Variants in CYP4Z1 observed in about 807,000 individuals in gnomAD.
The protein encoded by CYP4Z1 is cytochrome P450 family 4 subfamily Z member 1.
In CYP4Z1, 41 loss-of-function variants were observed where a neutral mutation model predicts 54.2. The ratio of observed to expected loss-of-function variants is 0.76; its 90% confidence interval spans 0.59 to 0.98. The LOEUF is 0.98. Among genes scored for constraint, CYP4Z1 ranks in the 50% least tolerant of loss-of-function variants. The pLI is 0.00. For missense variants in CYP4Z1, 513 were observed against 599.0 expected (o/e 0.86, Z 1.50); for synonymous variants, 163 against 206.2 (o/e 0.79, Z 1.79).
In CYP4Z1 at chr1:47,106,134, C is replaced by T. The variant is rs1289073317; in HGVS notation, c.1074C>T (p.His358=). Residue 358 remains histidine (H), a synonymous_variant, in exon 9 of 12, where the codon CAC becomes CAT. Coordinates refer to ENST00000334194, the MANE Select transcript of CYP4Z1 (RefSeq NM_178134.3). ...LGDGSSITWE[H]LSQMPYTTMC... ...CTCCTGTGCTTCTACCCAGGGAACA[C>T]CTGAGCCAGATGCCTTACACCACGA... is the stretch of plus-strand genomic sequence containing the variant. The T allele has an allele frequency of 1.2e-6, 2 of 1,613,634 alleles. No individual in the cohort carries two copies. Among genetic ancestry groups the T allele is most frequent in the South Asian group, 1.1e-5 (1 of 90,984 alleles).
At chr1:47,100,532 C>T (rs2148537184) in intron 8 of CYP4Z1, among the ~76,000 whole-genome samples, 1 of 152,296 alleles carries the variant, frequency 6.6e-6, no homozygotes, top group East Asian at 1.9e-4. Flanking sequence ...ATGCTACCTG[C>T]CAGTTGGTCA....
chr1:47,111,078 T>C (rs1342343280), intron 9 of CYP4Z1, among the ~76,000 whole-genome samples: 1 of 152,140 alleles, frequency 6.6e-6, no homozygotes. Flanking sequence ...TAGCTGGCCA[T>C]GTCAGGATTG....
At chr1:47,062,793 G>C, upstream of CYP4Z1, among the ~76,000 whole-genome samples, 1 of 145,830 alleles carries the variant, frequency 6.9e-6, no homozygotes, top group Admixed American at 6.6e-5. Context: ...TAATCACTTG[G>C]GAGCACTATG....
rs557379863 is a variant in CYP4Z1, at chr1:47,088,137, G to A, written c.772+3159G>A. On this transcript the variant is annotated intron_variant, in intron 6 of 11. Transcript: ENST00000334194. ...GATTTTTGCATCAATGTTCATCAGG[G>A]ATATTGGTCTAAAATTCTCTTTTTT... 5.1e-3 allele frequency among the ~76,000 whole-genome samples: 783 copies of A among 152,308 alleles called. 5 individuals are homozygous for A. The highest frequency in any genetic ancestry group is 0.018 in the African/African-American group (735 of 41,568).
At chr1:47,105,536 T>G (rs1319438393) in intron 8 of CYP4Z1, among the ~76,000 whole-genome samples, 1 of 152,200 alleles carries the variant, frequency 6.6e-6, no homozygotes, top group Non-Finnish European at 1.5e-5. Context: ...AAAGAGCTTC[T>G]CCAGACTCCC....
chr1:47,063,005 C>T (rs1447541272), upstream of CYP4Z1, among the ~76,000 whole-genome samples: 1 of 152,238 alleles, frequency 6.6e-6, no homozygotes, highest in Non-Finnish European at 1.5e-5. Flanking sequence ...GCTACCTCCA[C>T]TGGAGCAGGC....
At chr1:47,076,568 G>C (rs546139664) in intron 2 of CYP4Z1, among the ~76,000 whole-genome samples, 1 of 151,904 alleles carries the variant, frequency 6.6e-6, no homozygotes, top group African/African-American at 2.4e-5. Flanking sequence ...CTTGTTGGCC[G>C]GGCATGGTGG....
chr1:47,116,051 C>T (rs72637964), intron 10 of CYP4Z1, among the ~76,000 whole-genome samples: 1 of 150,982 alleles, frequency 6.6e-6, no homozygotes, highest in East Asian at 2.0e-4. Context: ...CAGTGCTAAC[C>T]TGAGAGTGAA....
At chr1:47,078,179 C>A (rs1644539194) in intron 2 of CYP4Z1, among the ~76,000 whole-genome samples, 2 of 152,132 alleles carry the variant, frequency 1.3e-5, no homozygotes, top group African/African-American at 4.8e-5. Context: ...TGTTAGTATG[C>A]TTGATGGTGT....
intron 9 of CYP4Z1, among the ~76,000 whole-genome samples, chr1:47,106,680 A>AC (rs1310469741): frequency 1.3e-5 from 2 of 152,154 alleles, no homozygotes; most frequent in East Asian, 1.9e-4. Context: ...GCTGTAATCC[A>AC]CAGACTCCAG....
At chr1:47,107,647 C>T (rs2202218) in intron 9 of CYP4Z1, among the ~76,000 whole-genome samples, 5 of 151,888 alleles carry the variant, frequency 3.3e-5, no homozygotes, top group East Asian at 1.9e-4. Context: ...TTTTTTTCAA[C>T]ATCAATAAAA....
Position 47,115,559 on chromosome 1 carries a change from T to C in CYP4Z1, c.1232T>C (p.Leu411Pro), listed in dbSNP as rs1486478234. 3.1e-6 allele frequency: 5 copies of C among 1,613,576 alleles called. No individual in the cohort carries two copies. The highest frequency in any genetic ancestry group is 4.2e-6 in the Non-Finnish European group (5 of 1,179,786). The stretch of plus-strand genomic sequence containing the variant: ...ACTGTGTTTATCAATATTTGGGCTC[T>C]TCACCACAACCCCTATTTCTGGGAA... ...GITVFINIWA[L>P]HHNPYFWEDP... The change falls in exon 10 of 12, where the codon CTT becomes CCT. Residue 411 changes from leucine to proline, a missense_variant. By Grantham distance (98) the Leu-to-Pro change is moderately conservative. Transcript: ENST00000334194.
At chr1:47,057,297 T>A in the CYP4Z1 span, among the ~76,000 whole-genome samples, 2 of 137,580 alleles carry the variant, frequency 1.5e-5, no homozygotes, top group East Asian at 2.1e-4. Flanking sequence ...CAGCTGTTAG[T>A]CTGATGGGCT....
At chr1:47,086,481 A>C (rs1462869022) in intron 6 of CYP4Z1, among the ~76,000 whole-genome samples, 7 of 152,230 alleles carry the variant, frequency 4.6e-5, no homozygotes, top group Admixed American at 3.3e-4. Context: ...TGTTGGCTGC[A>C]CAAATGTCTT....
At chr1:47,099,363 T>C (rs1644703635) in intron 8 of CYP4Z1, 79 bp downstream of exon 8, 1 of 1,344,528 alleles carries the variant, frequency 7.4e-7, no homozygotes, top group Non-Finnish European at 1.0e-6. Context: ...ATCAGTAAGT[T>C]ATTGTGCATT....
At chr1:47,099,036 T>C in intron 7 of CYP4Z1, 58 bp from the exon 8 acceptor site, 2 of 1,564,420 alleles carry the variant, frequency 1.3e-6, no homozygotes, top group Non-Finnish European at 1.8e-6. Flanking sequence ...TTGCTACAAT[T>C]GAAAAAGATA....
rs1478923438 is a variant in CYP4Z1 at position 47,067,406 on chromosome 1, G to A, written c.-85G>A. ...TTGAAAGCCCAGTGTTGCCCAGGGGGCATCTCCTTTGTGTTTATGAGAGAC... is the reference window on the plus strand; with the variant it reads ...TTGAAAGCCCAGTGTTGCCCAGGGGACATCTCCTTTGTGTTTATGAGAGAC... On this transcript the variant is annotated 5_prime_UTR_variant, in exon 1 of 12. Coordinates refer to ENST00000334194, the MANE Select transcript of CYP4Z1 (RefSeq NM_178134.3). 2.5e-6 allele frequency: 3 copies of A among 1,197,578 alleles called. No individual in the cohort carries two copies. In the African/African-American group the frequency reaches 4.7e-5, roughly 19 times the overall value. The allele number at this position is 1,197,578 out of a possible 1,614,324, so 74.2% of individuals were successfully genotyped here.
the CYP4Z1 span, among the ~76,000 whole-genome samples, chr1:47,062,106 C>T: frequency 6.6e-6 from 1 of 152,184 alleles, no homozygotes; most frequent in African/African-American, 2.4e-5. Context: ...AAGCATTCCC[C>T]TTGAAAACCA....
intron 6 of CYP4Z1, among the ~76,000 whole-genome samples, chr1:47,093,758 G>A (rs186215099): frequency 1.7e-3 from 266 of 152,300 alleles, no homozygotes; most frequent in African/African-American, 6.0e-3. Flanking sequence ...GAACTTTCCT[G>A]TTCACAGAAG....
Sources: gnomAD v4.1 joint callset for allele counts (sites outside exome capture counted in the v4.1 genomes callset) on GRCh38, gnomAD v4.1.1 for gene constraint, MANE v1.5 for transcripts, NCBI Gene and HGNC (gene_info 2026-07-23, HGNC 2026-07-21) for gene names.